Variants in MYT1L observed in about 807,000 individuals in gnomAD.
The protein encoded by MYT1L is myelin transcription factor 1 like.
A neutral mutation model predicts 126.7 loss-of-function variants in MYT1L; 12 were observed. The ratio of observed to expected loss-of-function variants is 0.09; its 90% CI spans 0.06 to 0.15. MYT1L has a LOEUF of 0.15. MYT1L is among the 10% of genes least tolerant of loss of function. The probability of loss-of-function intolerance (pLI) is 1.00; values close to 1 mark genes in which losing one functional copy is unlikely to be tolerated. For synonymous variants in MYT1L, 541 were observed against 604.2 expected (o/e 0.90, Z 1.53); for missense variants, 979 against 1,585.2 (o/e 0.62, Z 6.49).
intron 18 of MYT1L, among the ~76,000 whole-genome samples, chr2:1,881,190 C>T (rs748549395): frequency 1.1e-4 from 17 of 152,170 alleles, no homozygotes; most frequent in Non-Finnish European, 2.1e-4. Flanking sequence ...ACCCTCCCCA[C>T]TTGTAGCCTC....
chr2:1,958,403 C>T (rs1003369496), intron 8 of MYT1L, among the ~76,000 whole-genome samples: 5 of 152,114 alleles, frequency 3.3e-5, no homozygotes, highest in Non-Finnish European at 1.5e-5. Context: ...CAGATGGAAC[C>T]CAGGGAGCGG....
chr2:2,295,755 CAGACAGACAGACAGAGAGAGAGATAGAG>C (rs2095679862), intron 1 of MYT1L, among the ~76,000 whole-genome samples: 5 of 18,904 alleles, frequency 2.6e-4, no homozygotes, highest in African/African-American at 6.3e-4. Flanking sequence ...GAGAGAGAGA[CAGACAGACAGACAGAGAGAGAGATAGAG>C]AGACAGACAG....
Position 1,892,296 on chromosome 2 carries a change from A to G in MYT1L, c.2033-9T>C, listed in dbSNP as rs1402063575. 2 of 1,546,300 alleles carry G rather than the reference A, an allele frequency of 1.3e-6. No individual in the cohort carries two copies. The highest frequency in any genetic ancestry group is 3.9e-5 in the Admixed American group (2 of 50,880). ...CTTGCAGTACCGCTTCGCTGGGGAG[A>G]CAGGGACAGGGATGACTCAGGCCCC... On this transcript the variant is annotated splice_polypyrimidine_tract_variant and intron_variant, in intron 14 of 24. Transcript: ENST00000647738.
At chr2:2,287,586 C>A (rs2095541472) in intron 1 of MYT1L, among the ~76,000 whole-genome samples, 1 of 152,118 alleles carries the variant, frequency 6.6e-6, no homozygotes, top group Non-Finnish European at 1.5e-5. Flanking sequence ...ATTTCAGGAG[C>A]ACAGAGTGAC....
At chr2:2,041,720 G>T (rs1192247140) in intron 4 of MYT1L, among the ~76,000 whole-genome samples, 2 of 152,164 alleles carry the variant, frequency 1.3e-5, no homozygotes, top group African/African-American at 4.8e-5. Flanking sequence ...CCGGAAAGAA[G>T]GGAAGGGCCT....
At chr2:1,942,586 G>A (rs538808644) in intron 9 of MYT1L, among the ~76,000 whole-genome samples, 100 of 152,204 alleles carry the variant, frequency 6.6e-4, no homozygotes, top group Non-Finnish European at 1.2e-3. Context: ...CCTGGGCTAA[G>A]CCATTCCAAC....
At position 1,887,410 on chromosome 2, in the gene MYT1L, A is replaced by G; in HGVS notation, c.2642+78T>C. The G allele has an allele frequency of 1.3e-6, 2 of 1,589,234 alleles. No individual in the cohort carries two copies. Among genetic ancestry groups the G allele is most frequent in the Non-Finnish European group, 1.7e-6 (2 of 1,158,656 alleles). ...CGCATGCTCAAACGGCAAGGCATAT[A>G]CAGATCCAGTTTTAAAAAATCAGCC... On this transcript the variant is annotated intron_variant, in intron 17 of 24. Coordinates refer to ENST00000647738, the MANE Select transcript of MYT1L (RefSeq NM_001303052.2). This position sits in a 1 kb window ranked among gnomAD's most constrained non-coding sequence, Gnocchi z 4.8.
At chr2:1,833,036 C>G (rs758213619) in intron 21 of MYT1L, among the ~76,000 whole-genome samples, 5 of 152,208 alleles carry the variant, frequency 3.3e-5, no homozygotes, top group Non-Finnish European at 4.4e-5. Context: ...ATGAATGACA[C>G]GTCTGTCGGC....
At chr2:2,314,581 G>T (rs1290515713) in intron 1 of MYT1L, among the ~76,000 whole-genome samples, 7 of 151,978 alleles carry the variant, frequency 4.6e-5, no homozygotes, top group Non-Finnish European at 1.0e-4. Flanking sequence ...TTAAGTTCTG[G>T]GATACATGTG....
At chr2:2,277,425 G>A (rs1280719646) in intron 2 of MYT1L, among the ~76,000 whole-genome samples, 1 of 152,152 alleles carries the variant, frequency 6.6e-6, no homozygotes, top group Non-Finnish European at 1.5e-5. Flanking sequence ...AGGGTCCCAC[G>A]GGTGGACAGA....
chr2:2,047,405 T>C (rs997571322), intron 4 of MYT1L, among the ~76,000 whole-genome samples: 3 of 152,230 alleles, frequency 2.0e-5, no homozygotes, highest in Non-Finnish European at 2.9e-5. Context: ...ATGAAAATGA[T>C]ACATCTGCGA....
chr2:2,330,503 A>G (rs1031719872), intron 1 of MYT1L, among the ~76,000 whole-genome samples: 15 of 152,188 alleles, frequency 9.9e-5, no homozygotes, highest in African/African-American at 3.6e-4. Flanking sequence ...AAATTTAAAA[A>G]TCTTTATTTG....
chr2:2,150,785 T>C (rs989173828), intron 3 of MYT1L, among the ~76,000 whole-genome samples: 1 of 144,598 alleles, frequency 6.9e-6, no homozygotes, highest in Admixed American at 7.2e-5. Flanking sequence ...AAGAAGAAAG[T>C]AGGGGAGGAA....
rs1263234647 is a variant in MYT1L at position 1,793,240 on chromosome 2, T to C, written c.3277-776A>G. 6.6e-6 allele frequency among the ~76,000 whole-genome samples: 1 copy of C among 152,190 alleles called. No individual in the cohort carries two copies. The highest frequency in any genetic ancestry group is 1.9e-4 in the East Asian group (1 of 5,178). ...GACCCTTCCTCGCATATTCCAGAGA[T>C]AATTTAAGTATCACCAAGGTCAAGG... On this transcript the variant is annotated intron_variant, in intron 23 of 24. Coordinates refer to ENST00000647738, the MANE Select transcript of MYT1L (RefSeq NM_001303052.2). This position sits in a 1 kb window ranked among gnomAD's most constrained non-coding sequence, Gnocchi z 4.6.
At chr2:2,073,569 G>T (rs988725020) in intron 3 of MYT1L, among the ~76,000 whole-genome samples, 1 of 152,126 alleles carries the variant, frequency 6.6e-6, no homozygotes, top group Non-Finnish European at 1.5e-5. Context: ...CCCATTGGCT[G>T]CAGAAGAAAT....
chr2:2,265,141 C>T (rs1386751987), intron 2 of MYT1L, among the ~76,000 whole-genome samples: 1 of 151,624 alleles, frequency 6.6e-6, no homozygotes, highest in Non-Finnish European at 1.5e-5. Context: ...AATTCTCCTG[C>T]CTCAGCCTCC....
At position 2,005,500 on chromosome 2, in the gene MYT1L, A is replaced by G. The variant is rs143383607; in HGVS notation, c.-157-8153T>C. ...CCTGAATGCGTTCTTTCCTGCAGGC[A>G]TTCTTTCCTGCATGTGTTCTTTCCT... On this transcript the variant is annotated intron_variant, in intron 4 of 24. Coordinates refer to ENST00000647738, the MANE Select transcript of MYT1L (RefSeq NM_001303052.2). Among the ~76,000 whole-genome samples the G allele has an allele frequency of 2.8e-4, 38 of 133,774 alleles. 1 individual carries two copies. The highest frequency in any genetic ancestry group is 8.0e-4 in the South Asian group (3 of 3,772). The allele number at this position is 133,774 out of a possible 152,430, so 87.8% of individuals were successfully genotyped here. A position where few individuals can be genotyped will look rare whatever the true frequency, so the allele number is the denominator to read the frequency against.
At chr2:1,897,456 T>TG (rs1365475747) in intron 14 of MYT1L, among the ~76,000 whole-genome samples, 18 of 148,680 alleles carry the variant, frequency 1.2e-4, no homozygotes, top group Non-Finnish European at 1.7e-4. Context: ...AAAACTTTTT[T>TG]TTTTTTTGTT....
chr2:2,133,756 T>C (rs777882262), intron 3 of MYT1L, among the ~76,000 whole-genome samples: 5 of 152,116 alleles, frequency 3.3e-5, no homozygotes, highest in Non-Finnish European at 5.9e-5. Context: ...CACCCTCACA[T>C]GAAAGGGAAA....
Sources: allele counts gnomAD v4.1 joint callset (sites outside exome capture counted in the v4.1 genomes callset), GRCh38; gene constraint gnomAD v4.1.1; non-coding constraint Gnocchi (gnomAD v3.1); transcripts MANE v1.5; gene names NCBI Gene and HGNC (gene_info 2026-07-23, HGNC 2026-07-21).